ODF1: variants seen among roughly 807,000 people sequenced by gnomAD.
ODF1 encodes the protein outer dense fiber of sperm tails 1, also known as outer dense fiber protein 1.
In ODF1, 10 loss-of-function variants were observed where a neutral mutation model predicts 24.0. The observed-to-expected ratio is 0.42, with a 90% CI of 0.26 to 0.71. ODF1 has a LOEUF of 0.71. Among genes scored for constraint, ODF1 ranks in the 30% least tolerant of loss-of-function variants. The probability of loss-of-function intolerance (pLI) is 0.28; values close to 1 mark genes in which losing one functional copy is unlikely to be tolerated. For synonymous variants in ODF1, 118 were observed against 121.3 expected (o/e 0.97, Z 0.18); for missense variants, 282 against 307.9 (o/e 0.92, Z 0.63).
intron 1 of ODF1, among the ~76,000 whole-genome samples, chr8:102,559,769 T>C (rs73701168): frequency 0.034 from 5,137 of 151,532 alleles, 461 homozygotes; most frequent in African/African-American, 0.12. Context: ...CATTGTTTGA[T>C]TGAGCTTTCA....
chr8:102,556,989 G>A (rs1016470109), intron 1 of ODF1, among the ~76,000 whole-genome samples: 6 of 152,178 alleles, frequency 3.9e-5, no homozygotes, highest in African/African-American at 1.2e-4. Flanking sequence ...AGATGGCTGG[G>A]TATGCAGCTG....
chr8:102,552,216 T>C (rs945957911), intron 1 of ODF1, among the ~76,000 whole-genome samples, 169 bp downstream of exon 1: 11 of 151,882 alleles, frequency 7.2e-5, no homozygotes, highest in African/African-American at 2.4e-4. Context: ...GAGTCCATGA[T>C]GGGAATTGTA....
chr8:102,552,999 GA>G (rs1826062113), intron 1 of ODF1, among the ~76,000 whole-genome samples: 2 of 78,752 alleles, frequency 2.5e-5, no homozygotes, highest in Admixed American at 2.8e-4. Context: ...TAGATAGATA[GA>G]TAGATAGATA....
chr8:102,552,412 T>C (rs1330649117), intron 1 of ODF1, among the ~76,000 whole-genome samples: 2 of 152,052 alleles, frequency 1.3e-5, no homozygotes, highest in African/African-American at 4.8e-5. Context: ...TTGAGTATAT[T>C]TGGACTTACA....
intron 1 of ODF1, 83 bp from the exon 2 acceptor site, chr8:102,560,369 G>T: frequency 7.5e-7 from 1 of 1,329,158 alleles, no homozygotes; most frequent in East Asian, 2.3e-5. Context: ...TCAAAAGCTA[G>T]AAATCAAAAT....
At chr8:102,555,143 C>T (rs1214763236) in intron 1 of ODF1, among the ~76,000 whole-genome samples, 1 of 152,108 alleles carries the variant, frequency 6.6e-6, no homozygotes, top group Non-Finnish European at 1.5e-5. Flanking sequence ...CTGTCTCTTC[C>T]TCCCTCTTCT....
At position 102,560,511 on chromosome 8, in the gene ODF1, G is replaced by T; in HGVS notation, c.380G>T (p.Gly127Val). ...TCCTGCTGTAGCAGTAACATTTTAG[G>T]ATCGGTGAATGTATGCGGTTTTGAA... is the stretch of plus-strand genomic sequence containing the variant. ...ASSCCSSNIL[G>V]SVNVCGFEPD... Residue 127 changes from glycine to valine, a missense_variant, in exon 2 of 2, where the codon GGA becomes GTA. Coordinates refer to ENST00000285402, the MANE Select transcript of ODF1 (RefSeq NM_024410.4). The T allele has an allele frequency of 6.2e-7, 1 of 1,614,184 alleles. No homozygotes were observed. Among genetic ancestry groups the T allele is most frequent in the Non-Finnish European group, 8.5e-7 (1 of 1,180,040 alleles).
At position 102,552,045 on chromosome 8, in the gene ODF1, C is replaced by A. The variant is rs1413545281; in HGVS notation, c.318C>A (p.Ala106=). 6.4e-7 allele frequency: 1 copy of A among 1,570,716 alleles called. No homozygotes were observed. The highest frequency in any genetic ancestry group is 8.6e-7 in the Non-Finnish European group (1 of 1,156,124). ...TAGAAGATGAGAAGCGAGAGCTTGC[C>A]AAGTAAAATAACTTATTTTTAAATT... is the stretch of plus-strand genomic sequence containing the variant. ...RAIEDEKREL[A]KLRRTTNRIL... The change falls in exon 1 of 2, where the codon GCC becomes GCA. Residue 106 remains alanine, a splice_region_variant and synonymous_variant. Coordinates refer to ENST00000285402, the MANE Select transcript of ODF1 (RefSeq NM_024410.4).
intron 1 of ODF1, among the ~76,000 whole-genome samples, chr8:102,557,243 C>T (rs1326755982): frequency 6.6e-6 from 1 of 152,110 alleles, no homozygotes; most frequent in East Asian, 1.9e-4. Context: ...TGCGCAGAAC[C>T]CCATAGAGCC....
intron 1 of ODF1, among the ~76,000 whole-genome samples, chr8:102,552,430 C>CTGTAAGTCATTAT (rs1405882992): frequency 6.6e-6 from 1 of 152,034 alleles, no homozygotes; most frequent in Non-Finnish European, 1.5e-5. Context: ...ACAGAAATGA[C>CTGTAAGTCATTAT]TACAGGAGAA....
intron 1 of ODF1, 40 bp downstream of exon 1, chr8:102,552,087 T>C: frequency 6.9e-7 from 1 of 1,451,674 alleles, no homozygotes; most frequent in African/African-American, 1.4e-5. Flanking sequence ...GTCGGTATAT[T>C]AGCCTTATAA....
chr8:102,554,100 C>A (rs1826081484), intron 1 of ODF1, among the ~76,000 whole-genome samples: 1 of 152,174 alleles, frequency 6.6e-6, no homozygotes. Context: ...ACTTGCAAAC[C>A]TAAATATTCA....
At chr8:102,558,054 T>C (rs1388356400) in intron 1 of ODF1, among the ~76,000 whole-genome samples, 5 of 152,182 alleles carry the variant, frequency 3.3e-5, no homozygotes, top group African/African-American at 1.2e-4. Context: ...AGTTCAAAAT[T>C]CTCCTACTTC....
Position 102,560,947 on chromosome 8 carries a change from T to C in ODF1, c.*63T>C, listed in dbSNP as rs1826177937. ...TACTCCAGCCAGGCAGCTCTCCCAA[T>C]GTTTCTCCTCTCCTTCCCATGGCCC... is the stretch of plus-strand genomic sequence containing the variant. On this transcript the variant is annotated 3_prime_UTR_variant, in exon 2 of 2. Transcript: ENST00000285402. The C allele has an allele frequency of 1.4e-6, 2 of 1,436,334 alleles. No individual in the cohort carries two copies. The highest frequency in any genetic ancestry group is 1.9e-6 in the Non-Finnish European group (2 of 1,054,566). The allele number at this position is 1,436,334 out of a possible 1,614,324, so 89.0% of individuals were successfully genotyped here.
intron 1 of ODF1, among the ~76,000 whole-genome samples, chr8:102,556,266 T>G (rs543307102): frequency 1.3e-5 from 2 of 152,252 alleles, no homozygotes; most frequent in East Asian, 3.9e-4. Flanking sequence ...GTGAGCTTAA[T>G]CTCTGGTCAG....
chr8:102,560,838 G>T lies in ODF1; in HGVS notation c.707G>T (p.Cys236Phe). 1 of 1,613,560 alleles carries T rather than the reference G, an allele frequency of 6.2e-7. No homozygotes were observed. The highest frequency in any genetic ancestry group is 1.1e-5 in the South Asian group (1 of 91,034). ...AGCCCATATGATCCTTGCAACCCGTGTTATCCCTGTGGAAGCCGATTTTCC... is the reference window on the plus strand; with the variant it reads ...AGCCCATATGATCCTTGCAACCCGTTTTATCCCTGTGGAAGCCGATTTTCC... ...PCSPYDPCNP[C>F]YPCGSRFSCR... The change falls in exon 2 of 2, where the codon TGT (cysteine) becomes TTT (phenylalanine). Residue 236 changes from cysteine (C) to phenylalanine (F), a missense_variant. Physicochemically the swap from Cys to Phe is radical, Grantham distance 205 (BLOSUM62 -2). Coordinates refer to ENST00000285402, the MANE Select transcript of ODF1 (RefSeq NM_024410.4).
In ODF1 at chr8:102,560,955, C is replaced by G. The variant is rs1826178075; in HGVS notation, c.*71C>G. ...CCAGGCAGCTCTCCCAATGTTTCTCCTCTCCTTCCCATGGCCCCTGTTGTT... is the reference window on the plus strand; with the variant it reads ...CCAGGCAGCTCTCCCAATGTTTCTCGTCTCCTTCCCATGGCCCCTGTTGTT... On this transcript the variant is annotated 3_prime_UTR_variant, in exon 2 of 2. Coordinates refer to ENST00000285402, the MANE Select transcript of ODF1 (RefSeq NM_024410.4). 7.3e-7 allele frequency: 1 copy of G among 1,361,244 alleles called. No individual in the cohort carries two copies. The highest frequency in any genetic ancestry group is 2.3e-5 in the East Asian group (1 of 43,498). The allele number at this position is 1,361,244 out of a possible 1,614,324, so 84.3% of individuals were successfully genotyped here.
rs755306472 is a variant in ODF1, at chr8:102,551,801, T to G, written c.74T>G (p.Leu25Arg). 6.2e-7 allele frequency: 1 copy of G among 1,614,162 alleles called. No homozygotes were observed. Among genetic ancestry groups the G allele is most frequent in the South Asian group, 1.1e-5 (1 of 91,084 alleles). ...IKKVDRELRQ[L>R]RCIDEFSTRC... ...AAGGTGGACAGAGAACTAAGGCAAC[T>G]GAGATGCATCGACGAATTTAGCACA... Residue 25 changes from leucine (L) to arginine (R), a missense_variant, in exon 1 of 2, where the codon CTG (leucine) becomes CGG (arginine). Transcript: ENST00000285402.
Position 102,556,051 on chromosome 8 carries a change from C to T in ODF1, c.320+4004C>T, listed in dbSNP as rs913748472. 1.6e-4 allele frequency among the ~76,000 whole-genome samples: 25 copies of T among 152,316 alleles called. 1 individual carries two copies. Among genetic ancestry groups the T allele is most frequent in the Non-Finnish European group, 3.4e-4 (23 of 68,038 alleles). ...CCATGTAAGGTGGGGCCTGGTGCAG[C>T]TTGATTAAGAAGACATACACTTTAT... On this transcript the variant is annotated intron_variant, in intron 1 of 1. Transcript: ENST00000285402.
Sources: allele counts gnomAD v4.1 joint callset (sites outside exome capture counted in the v4.1 genomes callset), GRCh38; gene constraint gnomAD v4.1.1; transcripts MANE v1.5; gene names NCBI Gene and HGNC (gene_info 2026-07-23, HGNC 2026-07-21).